Variants in ARHGEF9 observed in about 807,000 individuals in gnomAD.
ARHGEF9 encodes Cdc42 guanine nucleotide exchange factor 9, also known as rho guanine nucleotide exchange factor 9.
In ARHGEF9, 2 loss-of-function variants were observed where a neutral mutation model predicts 41.3. The ratio of observed to expected loss-of-function variants is 0.05; its 90% CI spans 0.02 to 0.15. ARHGEF9 has a LOEUF of 0.15. Among genes scored for constraint, ARHGEF9 ranks in the 10% least tolerant of loss-of-function variants. The probability of loss-of-function intolerance (pLI) is 1.00; values close to 1 mark genes in which losing one functional copy is unlikely to be tolerated. For missense variants in ARHGEF9, 225 were observed against 424.7 expected (o/e 0.53, Z 4.13); for synonymous variants, 160 against 154.4 (o/e 1.04, Z -0.27).
chrX:63,700,739 ATTTG>A (rs782212990), intron 3 of ARHGEF9, among the ~76,000 whole-genome samples: 2 of 110,796 alleles, frequency 1.8e-5, no homozygotes, highest in African/African-American at 3.3e-5. Flanking sequence ...AAGACATAAA[ATTTG>A]TTTGTCTTAG....
chrX:63,645,356 C>A (rs1261617674), intron 8 of ARHGEF9, among the ~76,000 whole-genome samples: 1 of 110,529 alleles, frequency 9.0e-6, no homozygotes, highest in African/African-American at 3.3e-5. Context: ...TTAGGTATAT[C>A]TCCTAATGCT....
chrX:63,664,842 C>A (rs1193190234), intron 7 of ARHGEF9, among the ~76,000 whole-genome samples: 1 of 111,598 alleles, frequency 9.0e-6, no homozygotes, highest in African/African-American at 3.3e-5. Context: ...AGATTCAATA[C>A]AAGATATGGC....
intron 3 of ARHGEF9, among the ~76,000 whole-genome samples, chrX:63,703,932 T>C (rs181973280): frequency 1.8e-5 from 2 of 108,814 alleles, no homozygotes; most frequent in Admixed American, 9.7e-5. Context: ...GCAAAGGCTC[T>C]AAGGGAGGAA....
chrX:63,694,711 T>C (rs1297420672), intron 4 of ARHGEF9, among the ~76,000 whole-genome samples: 32 of 112,069 alleles, frequency 2.9e-4, no homozygotes, highest in Non-Finnish European at 5.3e-4. Context: ...CACAGATTGT[T>C]TGCAATGTCT....
chrX:63,758,514 T>C (rs1176736945), intron 1 of ARHGEF9, among the ~76,000 whole-genome samples: 1 of 112,878 alleles, frequency 8.9e-6, no homozygotes, highest in Non-Finnish European at 1.9e-5. Context: ...GCATAAAATG[T>C]CCTGCCAATC....
chrX:63,709,947 C>G (rs1371991435), intron 2 of ARHGEF9, among the ~76,000 whole-genome samples: 3 of 110,536 alleles, frequency 2.7e-5, no homozygotes, highest in Admixed American at 9.7e-5. Flanking sequence ...CTTTAATGTG[C>G]ATTTTTATTT....
At chrX:63,643,870 T>C (rs2047816058) in intron 9 of ARHGEF9, 110 bp downstream of exon 9, 10 of 835,981 alleles carry the variant, frequency 1.2e-5, no homozygotes, top group Non-Finnish European at 1.7e-5. Context: ...ACCTGGATAC[T>C]CCTCCACCAC....
Position 63,666,402 on chromosome X carries a change from TTA to T in ARHGEF9, c.946-387_946-386del, listed in dbSNP as rs781961065. 6.7e-4 allele frequency among the ~76,000 whole-genome samples: 63 copies of T among 93,481 alleles called. 1 individual carries two copies. The East Asian group carries it at 7.8e-3, about 12-fold the overall frequency. 81.2% of individuals were successfully genotyped at this position (93,481 alleles called of 115,157 possible). Reference sequence around the variant, plus strand: ...AGAAAGAGAGAGAGAGAGATTTTCTTTATATATATATATATACACACACACAC... The same window carrying T: ...AGAAAGAGAGAGAGAGAGATTTTCTTTATATATATATATACACACACACAC... On this transcript the variant is annotated intron_variant, in intron 6 of 9. Transcript: ENST00000671741.
At chrX:63,720,928 C>T (rs1300835992) in intron 2 of ARHGEF9, among the ~76,000 whole-genome samples, 1 of 111,928 alleles carries the variant, frequency 8.9e-6, no homozygotes, top group East Asian at 2.8e-4. Context: ...CTTTCCTCTC[C>T]ACTATATCCC....
At chrX:63,675,164 C>A (rs781995740) in intron 5 of ARHGEF9, among the ~76,000 whole-genome samples, 2 of 111,496 alleles carry the variant, frequency 1.8e-5, no homozygotes, top group African/African-American at 6.5e-5. Flanking sequence ...CAGTCATAAA[C>A]TTCAGAATAC....
rs781792174 is a variant in ARHGEF9, at chrX:63,635,262, A to G, written c.*2766T>C. 4.2e-6 allele frequency: 2 copies of G among 479,970 alleles called. No individual in the cohort carries two copies. The highest frequency in any genetic ancestry group is 5.0e-5 in the African/African-American group (2 of 39,799). The allele number at this position is 479,970 out of a possible 1,213,427, so 39.6% of individuals were successfully genotyped here. ...CTCTTGTTGCTGTTCTTATAGATCC[A>G]TTAGAAATATACACATAGAGAGGGG... is the stretch of plus-strand genomic sequence containing the variant. On this transcript the variant is annotated 3_prime_UTR_variant, in exon 10 of 10. Coordinates refer to ENST00000671741, the MANE Select transcript of ARHGEF9 (RefSeq NM_001353921.2).
At chrX:63,747,909 G>A (rs1299970362) in intron 1 of ARHGEF9, among the ~76,000 whole-genome samples, 1 of 112,431 alleles carries the variant, frequency 8.9e-6, no homozygotes, top group East Asian at 2.8e-4. Context: ...TCTGAACCCA[G>A]TTTAGAAACA....
At position 63,697,232 on chromosome X, in the gene ARHGEF9, T is replaced by G; in HGVS notation, c.475A>C (p.Ile159Leu). 8.3e-7 allele frequency: 1 copy of G among 1,211,069 alleles called. No individual in the cohort carries two copies. Among genetic ancestry groups the G allele is most frequent in the Non-Finnish European group, 1.1e-6 (1 of 895,156 alleles). The stretch of plus-strand genomic sequence containing the variant: ...ATCTGAAATCTGTAGATATCTTCAA[T>G]GTTCCCAAAGATTACCTTCAGTTGC... ...DEQLKVIFGN[I>L]EDIYRFQMGF... Residue 159 changes from isoleucine (I) to leucine (L), a missense_variant, in exon 4 of 10, where the codon ATT becomes CTT. This residue lies in a region of ARHGEF9 where 114 missense variants were observed against 197.9 expected (regional missense o/e 0.58). Transcript: ENST00000671741.
intron 8 of ARHGEF9, among the ~76,000 whole-genome samples, chrX:63,644,875 C>T (rs1354423743): frequency 1.8e-5 from 2 of 109,028 alleles, no homozygotes; most frequent in East Asian, 2.9e-4. Context: ...AAGCAATCCT[C>T]CAACCTTAGC....
chrX:63,771,856 G>A (rs1246792096), intron 1 of ARHGEF9, among the ~76,000 whole-genome samples: 5 of 111,361 alleles, frequency 4.5e-5, no homozygotes, highest in African/African-American at 1.3e-4. Flanking sequence ...CATGAGTCAC[G>A]ATGCCCGACT....
intron 6 of ARHGEF9, 134 bp downstream of exon 6, chrX:63,673,904 T>C: frequency 1.2e-6 from 1 of 859,979 alleles, no homozygotes; most frequent in South Asian, 2.5e-5. Context: ...AGCAAGAAAT[T>C]TTACCTTGAG....
intron 4 of ARHGEF9, among the ~76,000 whole-genome samples, chrX:63,690,414 T>C (rs1340416189): frequency 1.8e-5 from 2 of 110,918 alleles, no homozygotes; most frequent in Non-Finnish European, 3.8e-5. Context: ...TGGATACATA[T>C]GACGTACCAA....
At chrX:63,682,428 T>C (rs782653158) in intron 4 of ARHGEF9, among the ~76,000 whole-genome samples, 3 of 108,840 alleles carry the variant, frequency 2.8e-5, no homozygotes, top group African/African-American at 6.7e-5. Flanking sequence ...GGCAGGAGAA[T>C]GGCGTGAACC....
At chrX:63,659,651 T>A (rs1232270413) in intron 7 of ARHGEF9, among the ~76,000 whole-genome samples, 1 of 111,573 alleles carries the variant, frequency 9.0e-6, no homozygotes, top group African/African-American at 3.3e-5. Flanking sequence ...CTCCAGATCC[T>A]AGGGAAGGTA....
Sources: gnomAD v4.1 joint callset for allele counts (sites outside exome capture counted in the v4.1 genomes callset) on GRCh38, gnomAD v4.1.1 for gene constraint, gnomAD v4.1.1 regional missense constraint, MANE v1.5 for transcripts, NCBI Gene and HGNC (gene_info 2026-07-23, HGNC 2026-07-21) for gene names.